The following SRBD1 variants were observed in gnomAD, a reference collection of about 807,000 sequenced individuals.
SRBD1 encodes the protein S1 RNA binding domain 1.
SRBD1 carries 88 observed loss-of-function variants against 115.3 expected under a neutral mutation model. That is an observed-to-expected ratio of 0.76 (90% CI 0.64 to 0.91). The LOEUF is 0.91. Ranked by LOEUF, SRBD1 falls within the 40% of genes least tolerant of loss-of-function variation. SRBD1 has a pLI of 0.00. For missense variants in SRBD1, 1,385 were observed against 1,177.4 expected (o/e 1.18, Z -2.58); for synonymous variants, 509 against 407.7 (o/e 1.25, Z -2.99).
intron 16 of SRBD1, among the ~76,000 whole-genome samples, chr2:45,462,989 T>C (rs2103778834): frequency 7.1e-6 from 1 of 140,164 alleles, no homozygotes; most frequent in African/African-American, 2.6e-5. Context: ...TCTTACATGG[T>C]AATGATATTT....
At chr2:45,526,982 G>A (rs888631523) in intron 14 of SRBD1, among the ~76,000 whole-genome samples, 10 of 151,870 alleles carry the variant, frequency 6.6e-5, no homozygotes, top group Admixed American at 6.6e-4. Context: ...TAAGCTGAGT[G>A]CGATCTGGGA....
At chr2:45,392,502 T>C (rs1049874778) in intron 20 of SRBD1, among the ~76,000 whole-genome samples, 1 of 152,224 alleles carries the variant, frequency 6.6e-6, no homozygotes, top group African/African-American at 2.4e-5. Context: ...AGAGATATTA[T>C]CTTATTTGTT....
intron 16 of SRBD1, among the ~76,000 whole-genome samples, chr2:45,424,510 C>A (rs1165911234): frequency 6.6e-6 from 1 of 152,076 alleles, no homozygotes; most frequent in East Asian, 1.9e-4. Flanking sequence ...CAGCCCATAT[C>A]TATACATTAA....
chr2:45,479,296 T>C (rs2103826299), intron 15 of SRBD1, among the ~76,000 whole-genome samples: 1 of 152,176 alleles, frequency 6.6e-6, no homozygotes, highest in Non-Finnish European at 1.5e-5. Context: ...AATCAAAAGC[T>C]AGAAATAATG....
chr2:45,471,830 T>C (rs945004893), intron 16 of SRBD1, among the ~76,000 whole-genome samples: 1 of 151,476 alleles, frequency 6.6e-6, no homozygotes, highest in African/African-American at 2.5e-5. Context: ...ATAAACCAAC[T>C]ATAAATGTAT....
chr2:45,476,578 A>G (rs1669809656), intron 16 of SRBD1, among the ~76,000 whole-genome samples: 1 of 152,214 alleles, frequency 6.6e-6, no homozygotes, highest in Non-Finnish European at 1.5e-5. Context: ...AACGAGTACT[A>G]TTATTACCTA....
chr2:45,402,967 T>G (rs1220556494), intron 19 of SRBD1, among the ~76,000 whole-genome samples: 1 of 152,168 alleles, frequency 6.6e-6, no homozygotes, highest in Non-Finnish European at 1.5e-5. Context: ...TTTCTGGGTC[T>G]CATTCTACTA....
intron 13 of SRBD1, 130 bp from the exon 14 acceptor site, chr2:45,546,969 C>T (rs950743678): frequency 1.5e-5 from 12 of 810,920 alleles, no homozygotes. Flanking sequence ...AGCAACCTGT[C>T]CACTGTTGCA....
intron 9 of SRBD1, among the ~76,000 whole-genome samples, chr2:45,564,761 T>G (rs1260105688): frequency 6.6e-6 from 1 of 152,218 alleles, no homozygotes; most frequent in Non-Finnish European, 1.5e-5. Context: ...ACGTGGATTT[T>G]TTTCAACCAA....
chr2:45,532,233 T>G (rs552086866), intron 14 of SRBD1, among the ~76,000 whole-genome samples: 93 of 151,972 alleles, frequency 6.1e-4, no homozygotes, highest in South Asian at 1.5e-3. Flanking sequence ...TAAATTTCTT[T>G]TCATGCAGCA....
At chr2:45,390,846 A>G (rs1348537804) in intron 20 of SRBD1, among the ~76,000 whole-genome samples, 1 of 152,182 alleles carries the variant, frequency 6.6e-6, no homozygotes, top group Non-Finnish European at 1.5e-5. Context: ...TCCAAATCTC[A>G]CTGTACACAT....
intron 9 of SRBD1, among the ~76,000 whole-genome samples, chr2:45,572,124 C>T (rs1673036975): frequency 1.3e-5 from 2 of 152,032 alleles, no homozygotes; most frequent in Non-Finnish European, 2.9e-5. Flanking sequence ...ATCCTGAATG[C>T]AGCAAGAGAG....
intron 10 of SRBD1, among the ~76,000 whole-genome samples, chr2:45,560,838 G>C (rs1313542231): frequency 1.3e-5 from 2 of 151,998 alleles, no homozygotes; most frequent in Non-Finnish European, 2.9e-5. Flanking sequence ...AGGCATGGTG[G>C]GTCACGCCTG....
chr2:45,553,571 G>C (rs529447327), intron 11 of SRBD1, 52 bp downstream of exon 11: 1 of 1,193,838 alleles, frequency 8.4e-7, no homozygotes, highest in Non-Finnish European at 1.2e-6. Flanking sequence ...AATGGTACTA[G>C]TATCATATAA....
At chr2:45,410,903 CT>C (rs1346713474) in intron 19 of SRBD1, among the ~76,000 whole-genome samples, 1 of 152,126 alleles carries the variant, frequency 6.6e-6, no homozygotes, top group Non-Finnish European at 1.5e-5. Context: ...TACCTTCCCC[CT>C]ATACCTTTCC....
intron 10 of SRBD1, among the ~76,000 whole-genome samples, chr2:45,561,477 C>A (rs901937659): frequency 7.9e-5 from 12 of 152,222 alleles, no homozygotes; most frequent in Admixed American, 5.2e-4. Context: ...TTTCCAAAAT[C>A]CATGATACTT....
chr2:45,608,084 C>G (rs1354732582), intron 1 of SRBD1, among the ~76,000 whole-genome samples: 1 of 152,178 alleles, frequency 6.6e-6, no homozygotes, highest in Non-Finnish European at 1.5e-5. Context: ...TATACTAATT[C>G]TATCTCCACA....
Position 45,599,813 on chromosome 2 carries a change from T to A in SRBD1, c.284A>T (p.Asp95Val). The change falls in exon 4 of 21, where the codon GAT becomes GTT. Residue 95 changes from aspartate to valine, a missense_variant. Physicochemically the swap from Asp to Val is radical, Grantham distance 152 (BLOSUM62 -3). Transcript: ENST00000263736. Reference protein sequence around the residue: ...EELNSSVAIADTALEDRKNKL... With the variant: ...EELNSSVAIAVTALEDRKNKL... ...ATTTTTTCTGTCTTCTAAAGCAGTA[T>A]CAGCAATAGCCACAGAGCTATTCTA... 1 of 1,613,236 alleles carries A rather than the reference T, an allele frequency of 6.2e-7. No individual in the cohort carries two copies. Among genetic ancestry groups the A allele is most frequent in the Non-Finnish European group, 8.5e-7 (1 of 1,179,882 alleles).
At chr2:45,403,805 T>G (rs970809536) in intron 19 of SRBD1, among the ~76,000 whole-genome samples, 1 of 152,128 alleles carries the variant, frequency 6.6e-6, no homozygotes, top group East Asian at 1.9e-4. Context: ...AAAATTAACA[T>G]TATTTTTCTT....
Sources: gnomAD v4.1 joint callset for allele counts (sites outside exome capture counted in the v4.1 genomes callset) on GRCh38, gnomAD v4.1.1 for gene constraint, MANE v1.5 for transcripts, NCBI Gene and HGNC (gene_info 2026-07-23, HGNC 2026-07-21) for gene names.